The following TTC17 variants were observed in gnomAD, a reference collection of about 807,000 sequenced individuals.
TTC17 encodes the protein tetratricopeptide repeat domain 17, also known as tetratricopeptide repeat protein 17.
TTC17 carries 58 observed loss-of-function variants against 143.8 expected under a neutral mutation model. The observed-to-expected ratio is 0.40, with a 90% CI of 0.33 to 0.50. The LOEUF is 0.50. TTC17 is among the 20% of genes least tolerant of loss of function. TTC17 has a pLI of 0.49. For synonymous variants in TTC17, 501 were observed against 497.8 expected, an observed-to-expected ratio of 1.01 and a Z score of -0.09; for missense variants, 1,273 against 1,392.5, an observed-to-expected ratio of 0.91 and a Z score of 1.37.
intron 2 of TTC17, among the ~76,000 whole-genome samples, chr11:43,386,470 T>C (rs183313454): frequency 1.4e-3 from 215 of 152,348 alleles, no homozygotes; most frequent in Non-Finnish European, 1.4e-3. Flanking sequence ...TATAATCTTA[T>C]GAGACCACTG....
chr11:43,422,124 G>A (rs573767463), intron 16 of TTC17, among the ~76,000 whole-genome samples: 2 of 152,166 alleles, frequency 1.3e-5, no homozygotes, highest in African/African-American at 4.8e-5. Context: ...GATCCTATTT[G>A]GAATATATTT....
intron 16 of TTC17, among the ~76,000 whole-genome samples, chr11:43,424,502 C>A (rs1334548260): frequency 1.3e-5 from 2 of 152,054 alleles, no homozygotes; most frequent in African/African-American, 4.8e-5. Context: ...GGCATGGTGG[C>A]TTCACGCCTG....
intron 2 of TTC17, among the ~76,000 whole-genome samples, chr11:43,387,641 G>C (rs1363358692): frequency 1.3e-5 from 2 of 152,166 alleles, no homozygotes; most frequent in Non-Finnish European, 2.9e-5. Context: ...AGCAGCCTCT[G>C]TCTGTAATTT....
chr11:43,488,564 A>C (rs1423348292), intron 21 of TTC17, among the ~76,000 whole-genome samples: 1 of 152,002 alleles, frequency 6.6e-6, no homozygotes, highest in African/African-American at 2.4e-5. Flanking sequence ...ACAAATTAGT[A>C]GCTATCTGGA....
Position 43,493,984 on chromosome 11 carries a change from T to C in TTC17, c.*80T>C. The C allele has an allele frequency of 6.8e-7, 1 of 1,476,906 alleles. No homozygotes were observed. Among genetic ancestry groups the C allele is most frequent in the Non-Finnish European group, 9.1e-7 (1 of 1,103,296 alleles). The allele number at this position is 1,476,906 out of a possible 1,614,324, so 91.5% of individuals were successfully genotyped here. ...GAAAAGAAACCAATCATTGTCAGTA[T>C]CTACTATTAATGATGTGTGTGAAAA... is the stretch of plus-strand genomic sequence containing the variant. On this transcript the variant is annotated 3_prime_UTR_variant, in exon 24 of 24. Transcript: ENST00000039989.
intron 16 of TTC17, among the ~76,000 whole-genome samples, chr11:43,426,457 A>G (rs1476903173): frequency 6.6e-6 from 1 of 152,264 alleles, no homozygotes; most frequent in East Asian, 1.9e-4. Context: ...AGATATGTTC[A>G]AATTAAAGTG....
At position 43,492,109 on chromosome 11, in the gene TTC17, C is replaced by T. The variant is rs1328823663; in HGVS notation, c.3240C>T (p.Ile1080=). 3.1e-6 allele frequency: 5 copies of T among 1,614,004 alleles called. No individual in the cohort carries two copies. The highest frequency in any genetic ancestry group is 3.3e-5 in the Admixed American group (2 of 59,996). Residue 1080 remains isoleucine, a synonymous_variant, in exon 23 of 24, where the codon ATC becomes ATT. Transcript: ENST00000039989. The part of the protein sequence containing the change: ...AVIVATMAVE[I]APHFAVNHFT... ...TAGTAGCCACCATGGCAGTAGAGAT[C>T]GCACCACACTTTGCTGTGAACCACT...
intron 1 of TTC17, among the ~76,000 whole-genome samples, chr11:43,375,201 GTC>G (rs1037296069): frequency 1.3e-5 from 2 of 152,188 alleles, no homozygotes; most frequent in Non-Finnish European, 2.9e-5. Context: ...CTGGATTAGA[GTC>G]TCTTTAGTAC....
chr11:43,394,093 T>C lies in TTC17; in HGVS notation c.663+2141T>C, dbSNP rs1445901582. Among the ~76,000 whole-genome samples the C allele has an allele frequency of 2.0e-5, 3 of 152,198 alleles. No individual in the cohort carries two copies. In the East Asian group the frequency reaches 5.8e-4, roughly 29 times the overall value. On this transcript the variant is annotated intron_variant, in intron 5 of 23. Transcript: ENST00000039989. Reference sequence around the variant, plus strand: ...ACTTCATTTAGCCTTTATCCACTCCTCACAGGCCTGATAACACTTGAACAT... The same window carrying C: ...ACTTCATTTAGCCTTTATCCACTCCCCACAGGCCTGATAACACTTGAACAT...
At chr11:43,391,113 T>A (rs1012352091) in intron 3 of TTC17, among the ~76,000 whole-genome samples, 1 of 147,776 alleles carries the variant, frequency 6.8e-6, no homozygotes, top group Non-Finnish European at 1.5e-5. Context: ...CTTAAAGTAT[T>A]ATTGACTGAG....
intron 6 of TTC17, 100 bp from the exon 7 acceptor site, chr11:43,397,247 C>G: frequency 1.6e-6 from 2 of 1,282,002 alleles, no homozygotes; most frequent in Non-Finnish European, 2.1e-6. Flanking sequence ...CTTATTTTCT[C>G]CACCTATATC....
chr11:43,414,739 T>C lies in TTC17; in HGVS notation c.2214T>C (p.Tyr738=). Residue 738 remains tyrosine (Y), a synonymous_variant, in exon 16 of 24, where the codon TAT becomes TAC. Transcript: ENST00000039989. ...AGTTGATCCGCTGTATGCAGTTTTA[T>C]CCTTTTCTGTACAACATCACTTCTT... The part of the protein sequence containing the change: ...SLKLIRCMQF[Y]PFLYNITSSV... 6.2e-7 allele frequency: 1 copy of C among 1,613,616 alleles called. No homozygotes were observed. Among genetic ancestry groups the C allele is most frequent in the Non-Finnish European group, 8.5e-7 (1 of 1,179,744 alleles).
chr11:43,420,434 G>T (rs1469722375), intron 16 of TTC17, among the ~76,000 whole-genome samples: 1 of 152,144 alleles, frequency 6.6e-6, no homozygotes, highest in Non-Finnish European at 1.5e-5. Flanking sequence ...GGATTATAGG[G>T]TGCAGTCATA....
intron 16 of TTC17, among the ~76,000 whole-genome samples, chr11:43,418,071 T>C (rs1412339767): frequency 1.3e-5 from 2 of 152,270 alleles, no homozygotes; most frequent in African/African-American, 4.8e-5. Flanking sequence ...TACTGTTTTG[T>C]TCAACTTAAA....
At chr11:43,443,920 A>T in intron 17 of TTC17, 136 bp from the exon 18 acceptor site, 1 of 1,030,774 alleles carries the variant, frequency 9.7e-7, no homozygotes, top group Non-Finnish European at 1.4e-6. Flanking sequence ...TTTTTTATTT[A>T]GGTCTTTAAG....
At chr11:43,384,361 T>G (rs1230012513) in intron 2 of TTC17, among the ~76,000 whole-genome samples, 2 of 152,184 alleles carry the variant, frequency 1.3e-5, no homozygotes, top group Non-Finnish European at 2.9e-5. Context: ...GTTTTTTAAT[T>G]TTAGAAATGT....
Position 43,450,251 on chromosome 11 carries a change from C to T in TTC17, c.2946+10C>T, listed in dbSNP as rs985636328. 26 of 1,607,480 alleles carry T rather than the reference C, an allele frequency of 1.6e-5. No individual in the cohort carries two copies. The highest frequency in any genetic ancestry group is 2.2e-5 in the East Asian group (1 of 44,474). On this transcript the variant is annotated intron_variant, in intron 20 of 23. Transcript: ENST00000039989. ...GAGTCAGTTAACAGAGGTGAGTGCT[C>T]GGCTTTGTTCAGGCTGTTTTTTAGC...
At chr11:43,412,159 G>A (rs1177495354) in intron 15 of TTC17, among the ~76,000 whole-genome samples, 1 of 152,134 alleles carries the variant, frequency 6.6e-6, no homozygotes, top group Non-Finnish European at 1.5e-5. Flanking sequence ...TTGGAAAATA[G>A]CATACAAAGT....
rs1173297202 is a variant in TTC17, at chr11:43,443,809, CAG to C, written c.2511+228_2511+229del. On this transcript the variant is annotated intron_variant, in intron 17 of 23. Transcript: ENST00000039989. ...AATGGGATGGGTGTGAAGCCACTGT[CAG>C]AGCCTGCAGACTTGGAACTGTCCAG... Among the ~76,000 whole-genome samples, 3 of 152,170 alleles carry C rather than the reference CAG, an allele frequency of 2.0e-5. No individual in the cohort carries two copies. In the East Asian group the frequency reaches 5.8e-4, roughly 29 times the overall value.
Sources: gnomAD v4.1 joint callset for allele counts (sites outside exome capture counted in the v4.1 genomes callset) on GRCh38, gnomAD v4.1.1 for gene constraint, MANE v1.5 for transcripts, NCBI Gene and HGNC (gene_info 2026-07-23, HGNC 2026-07-21) for gene names.